Variants in BRME1 observed in about 807,000 individuals in gnomAD.
BRME1 encodes the protein break repair meiotic recombinase recruitment factor 1.
Under a neutral mutation model 52.6 loss-of-function variants are expected in BRME1, and 31 were observed. That is an observed-to-expected ratio of 0.59 (90% confidence interval 0.44 to 0.80). The LOEUF (loss-of-function observed/expected upper bound fraction) is 0.80. Ranked by LOEUF, BRME1 falls within the 30% of genes least tolerant of loss-of-function variation. The pLI is 0.00. For missense variants in BRME1, 804 were observed against 860.3 expected (o/e 0.93, Z 0.82); for synonymous variants, 359 against 353.6 (o/e 1.02, Z -0.17).
In BRME1 at chr19:13,883,626, G is replaced by A; in HGVS notation, c.1764-226C>T. On this transcript the variant is annotated intron_variant, in intron 7 of 8. Transcript: ENST00000586783. The surrounding 1 kb of genome is among the most constrained non-coding windows in gnomAD (Gnocchi z 4.2). ...ACCTGCCCTGCCCTCTCAGGACGCTGCTGCCACCGCCTCCCTATCTCCTGC... is the reference window on the plus strand; with the variant it reads ...ACCTGCCCTGCCCTCTCAGGACGCTACTGCCACCGCCTCCCTATCTCCTGC... 1 of 497,466 alleles carries A rather than the reference G, an allele frequency of 2.0e-6. No individual in the cohort carries two copies. The highest frequency in any genetic ancestry group is 3.6e-6 in the Non-Finnish European group (1 of 274,212). 30.8% of individuals were successfully genotyped at this position (497,466 alleles called of 1,614,324 possible).
chr19:13,901,318 G>C (rs1481376108), intron 2 of BRME1, among the ~76,000 whole-genome samples: 1 of 151,990 alleles, frequency 6.6e-6, no homozygotes, highest in Non-Finnish European at 1.5e-5. Context: ...AATTGTATAG[G>C]TATGTTGACA....
In BRME1 at chr19:13,889,279, G is replaced by T; in HGVS notation, c.1577C>A (p.Ala526Glu). ...GTCGAGTTCCACAGCTAAAGAGTCT[G>T]CCCAGGTGCCCTGGTCTGCAGAATG... ...LPHSADQGTW[A>E]DSLAVELDFL... is the part of the protein sequence containing the mutation. Residue 526 changes from alanine to glutamate, a missense_variant, in exon 6 of 9, where the codon GCA becomes GAA. Transcript: ENST00000586783. 1 of 1,614,130 alleles carries T rather than the reference G, an allele frequency of 6.2e-7. No homozygotes were observed. Among genetic ancestry groups the T allele is most frequent in the Non-Finnish European group, 8.5e-7 (1 of 1,180,040 alleles).
At chr19:13,886,528 T>C (rs1319609108) in intron 6 of BRME1, among the ~76,000 whole-genome samples, 1 of 152,150 alleles carries the variant, frequency 6.6e-6, no homozygotes, top group East Asian at 1.9e-4. Flanking sequence ...TTTGCAAATA[T>C]AACACGAGGG....
Position 13,888,507 on chromosome 19 carries a change from T to TG in BRME1, c.1668+680dup, listed in dbSNP as rs566724417. On this transcript the variant is annotated intron_variant, in intron 6 of 8. Transcript: ENST00000586783. This position sits in a 1 kb window ranked among gnomAD's most constrained non-coding sequence, Gnocchi z 4.1. The stretch of plus-strand genomic sequence containing the variant: ...ACGGCTAGGGAGGTCGCTCTTTCCC[T>TG]GGGGGGCAGGGCTGAAGCAAGGCTG... 4.9e-4 allele frequency: 74 copies of TG among 152,230 alleles called. No homozygotes were observed. In the East Asian group the frequency reaches 9.1e-3, roughly 19 times the overall value. The allele number at this position is 152,230 out of a possible 1,614,324, so 9.4% of individuals were successfully genotyped here. A position where few individuals can be genotyped will look rare whatever the true frequency, so the allele number is the denominator to read the frequency against.
chr19:13,894,140 C>G (rs1443552877), intron 3 of BRME1, among the ~76,000 whole-genome samples: 1 of 152,128 alleles, frequency 6.6e-6, no homozygotes, highest in East Asian at 1.9e-4. Flanking sequence ...GACGGACACT[C>G]CAGCCCTGAC....
At chr19:13,902,901 G>A (rs905436376) in intron 2 of BRME1, among the ~76,000 whole-genome samples, 2 of 151,636 alleles carry the variant, frequency 1.3e-5, no homozygotes, top group African/African-American at 4.8e-5. Flanking sequence ...CTCCAGCCTG[G>A]GCAACAAGAG....
In BRME1 at chr19:13,888,700, A is replaced by G. The variant is rs575073838; in HGVS notation, c.1668+488T>C. 2.0e-5 allele frequency among the ~76,000 whole-genome samples: 3 copies of G among 152,296 alleles called. No individual in the cohort carries two copies. Among genetic ancestry groups the G allele is most frequent in the South Asian group, 2.1e-4 (1 of 4,834 alleles). On this transcript the variant is annotated intron_variant, in intron 6 of 8. Transcript: ENST00000586783. This position sits in a 1 kb window ranked among gnomAD's most constrained non-coding sequence, Gnocchi z 4.1. ...ACTTATGTATGTTTGGAAAAGAATC[A>G]TATCAGGACCCCCAGAGGACCCTAA...
In BRME1 at chr19:13,888,049, G is replaced by A. The variant is rs370962750; in HGVS notation, c.1668+1139C>T. ...AAGTGATTCTTCTGCCTCAGCCTCC[G>A]GAGTAGCTGGGATTAGAGGCACACG... On this transcript the variant is annotated intron_variant, in intron 6 of 8. Transcript: ENST00000586783. This position sits in a 1 kb window ranked among gnomAD's most constrained non-coding sequence, Gnocchi z 4.1. Among the ~76,000 whole-genome samples, 29 of 152,048 alleles carry A rather than the reference G, an allele frequency of 1.9e-4. No individual in the cohort carries two copies. Among genetic ancestry groups the A allele is most frequent in the African/African-American group, 6.0e-4 (25 of 41,478 alleles).
At chr19:13,903,438 T>G (rs1282254771) in intron 2 of BRME1, among the ~76,000 whole-genome samples, 2 of 152,066 alleles carry the variant, frequency 1.3e-5, no homozygotes, top group East Asian at 3.9e-4. Context: ...TTTGGGAGGC[T>G]GAGGCAGGCA....
intron 2 of BRME1, among the ~76,000 whole-genome samples, chr19:13,903,530 G>C (rs1050576968): frequency 6.6e-6 from 1 of 151,916 alleles, no homozygotes; most frequent in Non-Finnish European, 1.5e-5. Flanking sequence ...AAAATTAGGC[G>C]GGCGTGGTGG....
At position 13,888,994 on chromosome 19, in the gene BRME1, T is replaced by C. The variant is rs1351427044; in HGVS notation, c.1668+194A>G. On this transcript the variant is annotated intron_variant, in intron 6 of 8. Transcript: ENST00000586783. The surrounding 1 kb of genome is among the most constrained non-coding windows in gnomAD (Gnocchi z 4.1). ...ATGTCGACAACCACCAAAAGGCAGG[T>C]CTACACTTTCTGGAAAACCACCGAC... Among the ~76,000 whole-genome samples the C allele has an allele frequency of 1.3e-5, 2 of 151,892 alleles. No homozygotes were observed. The highest frequency in any genetic ancestry group is 2.9e-5 in the Non-Finnish European group (2 of 67,986).
intron 2 of BRME1, among the ~76,000 whole-genome samples, chr19:13,899,837 C>T (rs1438028357): frequency 6.6e-6 from 1 of 152,120 alleles, no homozygotes; most frequent in African/African-American, 2.4e-5. Flanking sequence ...CCTGTCTCTA[C>T]TACAAATACA....
At position 13,882,909 on chromosome 19, in the gene BRME1, G is replaced by A. The variant is rs142083822; in HGVS notation, c.1900C>T (p.Arg634Cys). The A allele has an allele frequency of 1.3e-4, 204 of 1,613,926 alleles. No individual in the cohort carries two copies. The highest frequency in any genetic ancestry group is 3.3e-4 in the Middle Eastern group (2 of 6,012). Residue 634 changes from arginine to cysteine, a missense_variant, in exon 9 of 9, where the codon CGC becomes TGC. By Grantham distance (180) the Arg-to-Cys change is radical (BLOSUM62 -3). This residue lies in a region of BRME1 where 552 missense variants were observed against 561.1 expected (regional missense o/e 0.98). Coordinates refer to ENST00000586783, the MANE Select transcript of BRME1 (RefSeq NM_001345843.2). ...GTHRDLEAFK[R>C]LNYRKTKLGG... is the part of the protein sequence containing the mutation. ...AGCTTTGTCTTCCGGTAGTTAAGGC[G>A]CTTGAAAGCTTCCAGGTCCCGGTGG... is the stretch of plus-strand genomic sequence containing the variant.
In BRME1 at chr19:13,901,474, G is replaced by A. The variant is rs143384128; in HGVS notation, c.31+3388C>T. On this transcript the variant is annotated intron_variant, in intron 2 of 8. Coordinates refer to ENST00000586783, the MANE Select transcript of BRME1 (RefSeq NM_001345843.2). ...TAATCTTTGGGAGGCTGAGGCAGGCGGATAACTTGAAGTCAGGAGTTAGAG... is the reference window on the plus strand; with the variant it reads ...TAATCTTTGGGAGGCTGAGGCAGGCAGATAACTTGAAGTCAGGAGTTAGAG... 5.9e-5 allele frequency among the ~76,000 whole-genome samples: 9 copies of A among 151,722 alleles called. No individual in the cohort carries two copies. The South Asian group carries it at 6.3e-4, about 11-fold the overall frequency.
intron 2 of BRME1, among the ~76,000 whole-genome samples, chr19:13,897,336 C>T (rs1969980245): frequency 6.6e-6 from 1 of 152,122 alleles, no homozygotes; most frequent in Non-Finnish European, 1.5e-5. Context: ...CGTGCCCAGC[C>T]ACATCAAAAC....
At chr19:13,902,199 C>T (rs1335930025) in intron 2 of BRME1, among the ~76,000 whole-genome samples, 1 of 151,332 alleles carries the variant, frequency 6.6e-6, no homozygotes, top group Non-Finnish European at 1.5e-5. Flanking sequence ...ATTATCTGAG[C>T]GTGGTGGCAG....
At chr19:13,900,348 A>C (rs542356621) in intron 2 of BRME1, among the ~76,000 whole-genome samples, 2 of 152,272 alleles carry the variant, frequency 1.3e-5, no homozygotes, top group African/African-American at 4.8e-5. Flanking sequence ...GCCAGCCCAG[A>C]GGTCCACTGA....
chr19:13,900,422 C>T (rs545735363), intron 2 of BRME1, among the ~76,000 whole-genome samples: 2 of 152,276 alleles, frequency 1.3e-5, no homozygotes, highest in African/African-American at 4.8e-5. Context: ...TGGCTGTCCC[C>T]AGCTTCCCCC....
intron 2 of BRME1, among the ~76,000 whole-genome samples, chr19:13,901,322 G>A (rs938956269): frequency 3.9e-5 from 6 of 152,046 alleles, no homozygotes; most frequent in African/African-American, 1.4e-4. Flanking sequence ...GTATAGGTAT[G>A]TTGACAAGTA....
Sources: allele counts gnomAD v4.1 joint callset (sites outside exome capture counted in the v4.1 genomes callset), GRCh38; gene constraint gnomAD v4.1.1; regional missense constraint gnomAD v4.1.1; non-coding constraint Gnocchi (gnomAD v3.1); transcripts MANE v1.5; gene names NCBI Gene and HGNC (gene_info 2026-07-23, HGNC 2026-07-21).